HHAT: variants seen among roughly 807,000 people sequenced by gnomAD.
HHAT encodes the protein hedgehog acyltransferase.
In HHAT, 47 loss-of-function variants were observed where a neutral mutation model predicts 70.8. That is an observed-to-expected ratio of 0.66 (90% CI 0.53 to 0.85). The LOEUF is 0.85. HHAT is among the 40% of genes least tolerant of loss of function. The pLI, the probability that HHAT is intolerant of heterozygous loss-of-function variation, is 0.00. For synonymous variants in HHAT, 228 were observed against 247.6 expected (o/e 0.92, Z 0.74); for missense variants, 609 against 604.8 (o/e 1.01, Z -0.07).
At chr1:210,527,226 C>T (rs2095260970) in intron 9 of HHAT, among the ~76,000 whole-genome samples, 2 of 152,140 alleles carry the variant, frequency 1.3e-5, no homozygotes, top group Admixed American at 1.3e-4. Context: ...GCTCAGCACC[C>T]AGCTCAGACT....
chr1:210,595,665 G>A (rs1268899351), intron 10 of HHAT, among the ~76,000 whole-genome samples: 6 of 152,150 alleles, frequency 3.9e-5, no homozygotes, highest in Admixed American at 6.5e-5. Flanking sequence ...ATTCTAACTG[G>A]TGTGAGATGG....
intron 9 of HHAT, among the ~76,000 whole-genome samples, chr1:210,516,231 G>A (rs996307384): frequency 6.6e-6 from 1 of 152,172 alleles, no homozygotes. Context: ...TAGCAGTGAG[G>A]GAATGGCAGC....
At chr1:210,397,993 CTTGT>C (rs1231885509) in intron 4 of HHAT, among the ~76,000 whole-genome samples, 12 of 152,246 alleles carry the variant, frequency 7.9e-5, no homozygotes, top group African/African-American at 2.4e-4. Flanking sequence ...ATTTTATTTA[CTTGT>C]TTGTTTGTTA....
At chr1:210,380,316 G>C (rs893577211) in intron 3 of HHAT, among the ~76,000 whole-genome samples, 1 of 152,126 alleles carries the variant, frequency 6.6e-6, no homozygotes, top group Non-Finnish European at 1.5e-5. Flanking sequence ...TGAGGAGGGT[G>C]GATCACTTGC....
At chr1:210,384,286 C>G (rs529470227) in intron 3 of HHAT, among the ~76,000 whole-genome samples, 1 of 152,068 alleles carries the variant, frequency 6.6e-6, no homozygotes, top group African/African-American at 2.4e-5. Flanking sequence ...GAACGGTGAA[C>G]GGGAGGATGA....
chr1:210,358,704 G>C (rs1025104064), intron 2 of HHAT, among the ~76,000 whole-genome samples: 2 of 152,186 alleles, frequency 1.3e-5, no homozygotes, highest in Non-Finnish European at 2.9e-5. Flanking sequence ...TATAGAAACA[G>C]CGGGGCACGT....
At chr1:210,532,143 A>T (rs944292972) in intron 9 of HHAT, among the ~76,000 whole-genome samples, 3 of 152,222 alleles carry the variant, frequency 2.0e-5, no homozygotes, top group Admixed American at 2.0e-4. Flanking sequence ...TGACATTTAT[A>T]TGTGTTTATT....
chr1:210,567,772 G>C (rs1011510223), intron 9 of HHAT, among the ~76,000 whole-genome samples: 3 of 152,200 alleles, frequency 2.0e-5, no homozygotes. Context: ...GATGGAGAGA[G>C]AGCCTTGCTT....
chr1:210,353,757 CTTA>C (rs1009879346), intron 2 of HHAT, among the ~76,000 whole-genome samples: 7 of 151,950 alleles, frequency 4.6e-5, no homozygotes, highest in Admixed American at 4.6e-4. Flanking sequence ...TGCCAGAGAT[CTTA>C]TTAATCTTTT....
chr1:210,590,853 C>A (rs1194331516), intron 10 of HHAT, among the ~76,000 whole-genome samples: 1 of 152,130 alleles, frequency 6.6e-6, no homozygotes, highest in Non-Finnish European at 1.5e-5. Flanking sequence ...TATCCTTCAT[C>A]TGTTTTATTA....
chr1:210,572,981 G>T (rs1281950245), intron 9 of HHAT, among the ~76,000 whole-genome samples: 1 of 152,184 alleles, frequency 6.6e-6, no homozygotes, highest in East Asian at 1.9e-4. Context: ...CAGCAGAGGG[G>T]TAGGGAAAAT....
At chr1:210,504,695 A>G (rs2094819948) in intron 8 of HHAT, among the ~76,000 whole-genome samples, 1 of 152,096 alleles carries the variant, frequency 6.6e-6, no homozygotes, top group East Asian at 1.9e-4. Context: ...TGTCTGATCC[A>G]TAAGAGCATG....
chr1:210,338,537 T>C (rs1057041827), intron 1 of HHAT, among the ~76,000 whole-genome samples: 2 of 152,212 alleles, frequency 1.3e-5, no homozygotes, highest in Non-Finnish European at 2.9e-5. Flanking sequence ...AAAATAAGCA[T>C]TTCAGAGTTT....
chr1:210,442,882 T>G (rs915452794), intron 7 of HHAT, among the ~76,000 whole-genome samples: 14 of 152,132 alleles, frequency 9.2e-5, no homozygotes, highest in Admixed American at 2.6e-4. Context: ...AATTTTGGCT[T>G]TTGTTGCCAT....
chr1:210,391,787 A>G (rs2091475121), intron 4 of HHAT, among the ~76,000 whole-genome samples: 1 of 152,224 alleles, frequency 6.6e-6, no homozygotes, highest in South Asian at 2.1e-4. Context: ...GGTGTTGAAT[A>G]TGTATTTGTA....
chr1:210,335,557 G>A (rs569434751), intron 1 of HHAT, among the ~76,000 whole-genome samples: 2 of 152,284 alleles, frequency 1.3e-5, no homozygotes, highest in South Asian at 2.1e-4. Context: ...AGTCATGTCA[G>A]TGTGGTATTG....
intron 8 of HHAT, among the ~76,000 whole-genome samples, chr1:210,473,051 A>T (rs2094234170): frequency 6.6e-6 from 1 of 152,194 alleles, no homozygotes; most frequent in Non-Finnish European, 1.5e-5. Context: ...ACTCTCAGCC[A>T]ATCTCTTCAA....
At chr1:210,639,307 C>A (rs149552571) in intron 11 of HHAT, among the ~76,000 whole-genome samples, 428 of 152,354 alleles carry the variant, frequency 2.8e-3, no homozygotes, top group African/African-American at 9.7e-3. Flanking sequence ...TGATTTGCTG[C>A]TCATCTGCTA....
intron 11 of HHAT, among the ~76,000 whole-genome samples, chr1:210,665,943 G>A (rs1002032791): frequency 3.3e-5 from 5 of 152,210 alleles, no homozygotes; most frequent in Non-Finnish European, 5.9e-5. Flanking sequence ...CTAAGATTGT[G>A]TATTCTTTGT....
Sources: gnomAD v4.1 joint callset for allele counts (sites outside exome capture counted in the v4.1 genomes callset) on GRCh38, gnomAD v4.1.1 for gene constraint, MANE v1.5 for transcripts, NCBI Gene and HGNC (gene_info 2026-07-23, HGNC 2026-07-21) for gene names.